Variants in PARP8 observed in about 807,000 individuals in gnomAD.
The protein encoded by PARP8 is protein mono-ADP-ribosyltransferase PARP8.
PARP8 carries 51 observed loss-of-function variants against 124.1 expected under a neutral mutation model. The ratio of observed to expected loss-of-function variants is 0.41; its 90% CI spans 0.33 to 0.52. PARP8 has a LOEUF of 0.52. Ranked by LOEUF, PARP8 falls within the 20% of genes least tolerant of loss-of-function variation. The pLI is 0.21. For missense variants in PARP8, 860 were observed against 1,018.9 expected (o/e 0.84, Z 2.12); for synonymous variants, 391 against 361.5 (o/e 1.08, Z -0.93).
chr5:50,839,184 A>C (rs1450054547), intron 25 of PARP8, among the ~76,000 whole-genome samples: 9 of 152,012 alleles, frequency 5.9e-5, no homozygotes. Flanking sequence ...ATTATTTTTA[A>C]AGCAAATTGG....
chr5:50,773,205 T>G (rs1361460780), intron 7 of PARP8, among the ~76,000 whole-genome samples: 1 of 152,244 alleles, frequency 6.6e-6, no homozygotes, highest in African/African-American at 2.4e-5. Flanking sequence ...CCATTTTTGC[T>G]TTTGTTATTA....
Position 50,778,105 on chromosome 5 carries a change from G to C in PARP8, c.555G>C (p.Leu185=). The change falls in exon 8 of 26, where the codon CTG becomes CTC. Residue 185 remains leucine (L), a synonymous_variant. Transcript: ENST00000281631. ...CCATTGATGATGTAGATATTGATCT[G>C]CATATCGATGTTAGCTTTCTTGATG... ...YGAIDDVDID[L]HIDVSFLDEE... The C allele has an allele frequency of 1.2e-6, 2 of 1,607,890 alleles. No individual in the cohort carries two copies. The highest frequency in any genetic ancestry group is 1.7e-6 in the Non-Finnish European group (2 of 1,177,582).
At chr5:50,746,039 C>A (rs1758506313) in intron 2 of PARP8, among the ~76,000 whole-genome samples, 1 of 152,160 alleles carries the variant, frequency 6.6e-6, no homozygotes, top group Non-Finnish European at 1.5e-5. Context: ...CCAATACATA[C>A]CTTTTCACTG....
chr5:50,704,874 G>A (rs1753974499), intron 2 of PARP8, among the ~76,000 whole-genome samples: 1 of 152,174 alleles, frequency 6.6e-6, no homozygotes, highest in South Asian at 2.1e-4. Context: ...GGTTTTGGAA[G>A]CCTGGATTCG....
In PARP8 at chr5:50,666,903, CCCT is replaced by C. The variant is rs151280834; in HGVS notation, c.-178_-176del. The C allele has an allele frequency of 9.1e-5, 98 of 1,073,030 alleles. No homozygotes were observed. The East Asian group carries it at 2.0e-3, about 22-fold the overall frequency. 66.5% of individuals were successfully genotyped at this position (1,073,030 alleles called of 1,614,324 possible). A position where few individuals can be genotyped will look rare whatever the true frequency, so the allele number is the denominator to read the frequency against. On this transcript the variant is annotated 5_prime_UTR_variant, in exon 1 of 26. Transcript: ENST00000281631. ...ATCTGGGAATGCAAAGCCGACCTCCCCCTCCTCCTCCTCCTCCCCCTCCTCCTC... is the reference window on the plus strand; with the variant it reads ...ATCTGGGAATGCAAAGCCGACCTCCCCCTCCTCCTCCTCCCCCTCCTCCTC...
At position 50,748,979 on chromosome 5, in the gene PARP8, G is replaced by A. The variant is rs149267756; in HGVS notation, c.147-1172G>A. 1.6e-4 allele frequency among the ~76,000 whole-genome samples: 24 copies of A among 152,148 alleles called. No individual in the cohort carries two copies. In the East Asian group the frequency reaches 4.2e-3, roughly 27 times the overall value. ...TACAAATGTTTGCTCTTTTGCTAGT[G>A]CCCCATAAGTCACTGATAGTCTGTT... On this transcript the variant is annotated intron_variant, in intron 2 of 25. Coordinates refer to ENST00000281631, the MANE Select transcript of PARP8 (RefSeq NM_024615.4).
chr5:50,713,500 C>CAT (rs1467813495), intron 2 of PARP8, among the ~76,000 whole-genome samples: 1 of 152,030 alleles, frequency 6.6e-6, no homozygotes, highest in Non-Finnish European at 1.5e-5. Flanking sequence ...CTGTGCCTCC[C>CAT]ATAGTGCTGG....
chr5:50,672,914 C>T (rs1431089515), intron 2 of PARP8, among the ~76,000 whole-genome samples: 1 of 152,112 alleles, frequency 6.6e-6, no homozygotes, highest in Non-Finnish European at 1.5e-5. Context: ...TGTCAATTTT[C>T]ATTATGAAAG....
chr5:50,810,362 T>G (rs896405020), intron 14 of PARP8, among the ~76,000 whole-genome samples: 1 of 152,078 alleles, frequency 6.6e-6, no homozygotes, highest in African/African-American at 2.4e-5. Context: ...ATACATACTT[T>G]GTATTAAATT....
chr5:50,799,766 G>T (rs952887501), intron 14 of PARP8, among the ~76,000 whole-genome samples: 5 of 152,124 alleles, frequency 3.3e-5, no homozygotes, highest in South Asian at 4.2e-4. Flanking sequence ...AGGTCATGAG[G>T]GTGGTGCCCT....
chr5:50,763,040 C>A, intron 6 of PARP8, 108 bp from the exon 7 acceptor site: 1 of 710,584 alleles, frequency 1.4e-6, no homozygotes, highest in Non-Finnish European at 2.4e-6. Flanking sequence ...TTTATTGAAG[C>A]TAAAAATGCC....
At chr5:50,806,380 G>A (rs572216431) in intron 14 of PARP8, among the ~76,000 whole-genome samples, 1 of 151,766 alleles carries the variant, frequency 6.6e-6, no homozygotes, top group Non-Finnish European at 1.5e-5. Flanking sequence ...TTAATTGTGG[G>A]CAATTCATTC....
intron 2 of PARP8, among the ~76,000 whole-genome samples, chr5:50,709,949 TATATATAC>T (rs1244871364): frequency 1.0e-4 from 10 of 100,394 alleles, no homozygotes; most frequent in South Asian, 2.9e-4. Flanking sequence ...TATATATATA[TATATATAC>T]ACATACATAT....
At chr5:50,738,906 C>A in intron 2 of PARP8, 1 of 688,184 alleles carries the variant, frequency 1.5e-6, no homozygotes. Context: ...GATAATGAGA[C>A]GTAGGCTTAG....
rs113100045 is a variant in PARP8 at position 50,794,811 on chromosome 5, A to C, written c.864-42A>C. The C allele has an allele frequency of 9.9e-6, 15 of 1,518,966 alleles. No homozygotes were observed. The African/African-American group carries it at 1.5e-4, about 15-fold the overall frequency. The allele number at this position is 1,518,966 out of a possible 1,614,324, so 94.1% of individuals were successfully genotyped here. ...ACAAGCTTTCTTCATGGTCTGATGT[A>C]CCTGTGATTTGCCCTGTAGTAATTG... On this transcript the variant is annotated intron_variant, in intron 11 of 25. Transcript: ENST00000281631.
At chr5:50,739,732 AT>A (rs1230937798) in intron 2 of PARP8, among the ~76,000 whole-genome samples, 2,276 of 44,226 alleles carry the variant, frequency 0.051, 36 homozygotes, top group Admixed American at 0.056. Context: ...ATATATATAT[AT>A]TTTTTTTTTT....
At chr5:50,678,618 T>G (rs1310664824) in intron 2 of PARP8, among the ~76,000 whole-genome samples, 1 of 152,200 alleles carries the variant, frequency 6.6e-6, no homozygotes, top group Non-Finnish European at 1.5e-5. Context: ...TCACGCTTGT[T>G]AACATAAACT....
chr5:50,778,437 A>G, intron 8 of PARP8, 123 bp from the exon 9 acceptor site: 1 of 743,464 alleles, frequency 1.3e-6, no homozygotes, highest in Non-Finnish European at 2.2e-6. Context: ...GGGTTTTGAG[A>G]TAACTTATAG....
intron 25 of PARP8, among the ~76,000 whole-genome samples, chr5:50,836,082 T>A (rs1747549744): frequency 6.6e-6 from 1 of 152,220 alleles, no homozygotes; most frequent in South Asian, 2.1e-4. Context: ...TGTTGGCTTG[T>A]TGACAGACTA....
Sources: gnomAD v4.1 joint callset for allele counts (sites outside exome capture counted in the v4.1 genomes callset) on GRCh38, gnomAD v4.1.1 for gene constraint, MANE v1.5 for transcripts, NCBI Gene and HGNC (gene_info 2026-07-23, HGNC 2026-07-21) for gene names.